Variants in TINAGL1 observed in about 807,000 individuals in gnomAD.
The protein encoded by TINAGL1 is tubulointerstitial nephritis antigen-like.
TINAGL1 carries 34 observed loss-of-function variants against 62.0 expected under a neutral mutation model. That is an observed-to-expected ratio of 0.55 (90% CI 0.42 to 0.73). TINAGL1 has a LOEUF of 0.73. TINAGL1 is among the 30% of genes least tolerant of loss of function. The pLI is 0.00. For synonymous variants in TINAGL1, 221 were observed against 249.7 expected, an observed-to-expected ratio of 0.88 and a Z score of 1.08; for missense variants, 516 against 653.2, an observed-to-expected ratio of 0.79 and a Z score of 2.29.
chr1:31,583,057 A>T lies in TINAGL1; in HGVS notation c.375-92A>T. The T allele has an allele frequency of 2.7e-6, 3 of 1,103,218 alleles. No individual in the cohort carries two copies. In the South Asian group the frequency reaches 3.8e-5, roughly 14 times the overall value. The allele number at this position is 1,103,218 out of a possible 1,614,324, so 68.3% of individuals were successfully genotyped here. ...GATTCTCCCACAGTCACTTGCACAG[A>T]CTCCCTGGCCCATGTTAACCTCCGA... On this transcript the variant is annotated intron_variant, in intron 3 of 11. Coordinates refer to ENST00000271064, the MANE Select transcript of TINAGL1 (RefSeq NM_022164.3). This position sits in a 1 kb window ranked among gnomAD's most constrained non-coding sequence, Gnocchi z 4.4.
In TINAGL1 at chr1:31,585,091, T is replaced by A; in HGVS notation, c.857+55T>A. 6.4e-7 allele frequency: 1 copy of A among 1,566,264 alleles called. No homozygotes were observed. The highest frequency in any genetic ancestry group is 2.3e-5 in the East Asian group (1 of 44,250). On this transcript the variant is annotated intron_variant, in intron 7 of 11. Transcript: ENST00000271064. The surrounding 1 kb of genome is among the most constrained non-coding windows in gnomAD (Gnocchi z 4.3). ...AAGAGGGCAAGGAGCTCCGTGGGCATGGCCTGGGCCATGATGCACTGAGTC... is the reference window on the plus strand; with the variant it reads ...AAGAGGGCAAGGAGCTCCGTGGGCAAGGCCTGGGCCATGATGCACTGAGTC...
rs1639341214 is a variant in TINAGL1, at chr1:31,584,799, C to A, written c.704C>A (p.Ala235Glu). 1 of 1,614,276 alleles carries A rather than the reference C, an allele frequency of 6.2e-7. No individual in the cohort carries two copies. The highest frequency in any genetic ancestry group is 8.5e-7 in the Non-Finnish European group (1 of 1,180,048). Residue 235 changes from alanine (A) to glutamate (E), a missense_variant and splice_region_variant, in exon 6 of 12, where the codon GCA becomes GAA. Ala to Glu is a moderately radical substitution (Grantham distance 107). Transcript: ENST00000271064. The surrounding 1 kb of genome is among the most constrained non-coding windows in gnomAD (Gnocchi z 4.0). ...NCAGSWAFST[A>E]AVASDRVSIH... is the part of the protein sequence containing the mutation. ...GCAGGCTCCTGGGCCTTCTCCACAG[C>A]AGGTAAGCCAAGGGCAAGGGCTGGC...
chr1:31,583,238 A>G lies in TINAGL1; in HGVS notation c.464A>G (p.Tyr155Cys). 1.9e-6 allele frequency: 3 copies of G among 1,614,124 alleles called. No homozygotes were observed. Among genetic ancestry groups the G allele is most frequent in the Non-Finnish European group, 2.5e-6 (3 of 1,179,958 alleles). ...ATCAAAGCCATCAACCAGGGCAACT[A>G]TGGGTGAGAGGCCCTAGAGGCACCC... Reference protein sequence around the residue: ...DMIKAINQGNYGWQAGNHSAF... With the variant: ...DMIKAINQGNCGWQAGNHSAF... The change falls in exon 4 of 12, where the codon TAT (tyrosine) becomes TGT (cysteine). Residue 155 changes from tyrosine (Y) to cysteine (C), a missense_variant. Transcript: ENST00000271064. This position sits in a 1 kb window ranked among gnomAD's most constrained non-coding sequence, Gnocchi z 4.4.
rs761565290 is a variant in TINAGL1, at chr1:31,585,181, G to A, written c.888G>A (p.Ser296=). ...TGTCTGACCACTGCTACCCCTTCTC[G>A]GGCCGTGAACGAGACGAGGCTGGCC... ...GVVSDHCYPF[S]GRERDEAGPA... is the part of the protein sequence containing the mutation. The change falls in exon 8 of 12, where the codon TCG becomes TCA. Residue 296 remains serine, a synonymous_variant. Transcript: ENST00000271064. The surrounding 1 kb of genome is among the most constrained non-coding windows in gnomAD (Gnocchi z 4.3). 18 of 1,595,172 alleles carry A rather than the reference G, an allele frequency of 1.1e-5. No individual in the cohort carries two copies. Among genetic ancestry groups the A allele is most frequent in the South Asian group, 5.6e-5 (5 of 88,558 alleles).
chr1:31,582,461 T>C (rs1211459497), intron 3 of TINAGL1, among the ~76,000 whole-genome samples: 1 of 152,200 alleles, frequency 6.6e-6, no homozygotes, highest in Non-Finnish European at 1.5e-5. Context: ...GTGCAGGGCC[T>C]TGTTGTCACC....
intron 3 of TINAGL1, chr1:31,580,280 C>T (rs1186564024): frequency 3.3e-6 from 4 of 1,214,946 alleles, no homozygotes; most frequent in Non-Finnish European, 4.2e-6. Flanking sequence ...CTGTCCCTGG[C>T]CCCTTAGGCC....
intron 10 of TINAGL1, 116 bp from the exon 11 acceptor site, chr1:31,586,594 G>C: frequency 8.3e-7 from 1 of 1,198,642 alleles, no homozygotes; most frequent in East Asian, 2.5e-5. Context: ...TGAGCCCTAA[G>C]GGTGTACCCA....
chr1:31,578,261 T>TGTGTGTGTGTGTGA (rs1639057035), intron 2 of TINAGL1: 1 of 630,302 alleles, frequency 1.6e-6, no homozygotes, highest in Admixed American at 6.3e-5. Flanking sequence ...TGTGTGTGTG[T>TGTGTGTGTGTGTGA]GTGTGTGTGT....
chr1:31,583,190 C>A lies in TINAGL1; in HGVS notation c.416C>A (p.Pro139Gln), dbSNP rs752300036. ...ENRQWQCDQE[P>Q]CLVDPDMIKA... is the part of the protein sequence containing the mutation. ...AGGCAGTGGCAGTGTGACCAAGAAC[C>A]ATGCCTGGTGGATCCAGACATGATC... Residue 139 changes from proline (P) to glutamine (Q), a missense_variant, in exon 4 of 12, where the codon CCA becomes CAA. Coordinates refer to ENST00000271064, the MANE Select transcript of TINAGL1 (RefSeq NM_022164.3). The surrounding 1 kb of genome is among the most constrained non-coding windows in gnomAD (Gnocchi z 4.4). The A allele has an allele frequency of 3.1e-6, 5 of 1,614,182 alleles. No homozygotes were observed. Among genetic ancestry groups the A allele is most frequent in the South Asian group, 2.2e-5 (2 of 91,086 alleles).
Position 31,583,228 on chromosome 1 carries a change from C to G in TINAGL1, c.454C>G (p.Gln152Glu), listed in dbSNP as rs1055362857. 1.9e-6 allele frequency: 3 copies of G among 1,614,192 alleles called. No homozygotes were observed. The Admixed American group carries it at 5.0e-5, about 27-fold the overall frequency. The change falls in exon 4 of 12, where the codon CAG (glutamine) becomes GAG (glutamate). Residue 152 changes from glutamine (Q) to glutamate (E), a missense_variant. Coordinates refer to ENST00000271064, the MANE Select transcript of TINAGL1 (RefSeq NM_022164.3). The surrounding 1 kb of genome is among the most constrained non-coding windows in gnomAD (Gnocchi z 4.4). ...VDPDMIKAIN[Q>E]GNYGWQAGNH... The stretch of plus-strand genomic sequence containing the variant: ...TCCAGACATGATCAAAGCCATCAAC[C>G]AGGGCAACTATGGGTGAGAGGCCCT...
Position 31,577,301 on chromosome 1 carries a change from G to A in TINAGL1, c.153G>A (p.Gln51=), listed in dbSNP as rs1277448979. ...CGGGAGGCCGGTACTGCCAGGAGCA[G>A]GACCTGTGCTGCCGCGGCCGTGCCG... ...RDAGGRYCQE[Q]DLCCRGRADD... The change falls in exon 2 of 12, where the codon CAG becomes CAA. Residue 51 remains glutamine (Q), a synonymous_variant. Transcript: ENST00000271064. The surrounding 1 kb of genome is among the most constrained non-coding windows in gnomAD (Gnocchi z 5.4). The A allele has an allele frequency of 1.9e-6, 3 of 1,613,522 alleles. No homozygotes were observed. The highest frequency in any genetic ancestry group is 4.5e-5 in the East Asian group (2 of 44,886).
At chr1:31,586,637 C>T in intron 10 of TINAGL1, 73 bp from the exon 11 acceptor site, 1 of 1,539,294 alleles carries the variant, frequency 6.5e-7, no homozygotes, top group South Asian at 1.2e-5. Flanking sequence ...CTGGATGGGG[C>T]AGGTTTCCGG....
At position 31,583,004 on chromosome 1, in the gene TINAGL1, G is replaced by A. The variant is rs1198948197; in HGVS notation, c.375-145G>A. ...CATGAACTAGACGTTGACATTTAAAGCCACCAGGCTGGATGGGATCACCTA... is the reference window on the plus strand; with the variant it reads ...CATGAACTAGACGTTGACATTTAAAACCACCAGGCTGGATGGGATCACCTA... On this transcript the variant is annotated intron_variant, in intron 3 of 11. Transcript: ENST00000271064. The surrounding 1 kb of genome is among the most constrained non-coding windows in gnomAD (Gnocchi z 4.4). The A allele has an allele frequency of 2.9e-6, 2 of 693,436 alleles. No individual in the cohort carries two copies. The highest frequency in any genetic ancestry group is 5.1e-6 in the Non-Finnish European group (2 of 390,586). 43.0% of individuals were successfully genotyped at this position (693,436 alleles called of 1,614,324 possible).
Position 31,585,587 on chromosome 1 carries a change from G to A in TINAGL1, c.1093+102G>A, listed in dbSNP as rs1639369448. On this transcript the variant is annotated intron_variant, in intron 9 of 11. Transcript: ENST00000271064. The surrounding 1 kb of genome is among the most constrained non-coding windows in gnomAD (Gnocchi z 4.3). ...TGCACAGCATTCAGCAGCATGTCCAGTAGGGCCAGGAGTAGGGGTCCCCCC... is the reference window on the plus strand; with the variant it reads ...TGCACAGCATTCAGCAGCATGTCCAATAGGGCCAGGAGTAGGGGTCCCCCC... 1 of 1,559,890 alleles carries A rather than the reference G, an allele frequency of 6.4e-7. No individual in the cohort carries two copies. The highest frequency in any genetic ancestry group is 8.7e-7 in the Non-Finnish European group (1 of 1,147,924).
Position 31,585,846 on chromosome 1 carries a change from G to T in TINAGL1, c.1187G>T (p.Arg396Leu). The change falls in exon 10 of 12, where the codon CGG becomes CTG. Residue 396 changes from arginine (R) to leucine (L), a missense_variant. Transcript: ENST00000271064. This position sits in a 1 kb window ranked among gnomAD's most constrained non-coding sequence, Gnocchi z 4.3. ...VSLGRPERYR[R>L]HGTHSVKITG... ...CTTGGGAGGCCAGAGAGATACCGCCGGCATGGGACCCACTCAGTCAAGATC... is the reference window on the plus strand; with the variant it reads ...CTTGGGAGGCCAGAGAGATACCGCCTGCATGGGACCCACTCAGTCAAGATC... The T allele has an allele frequency of 6.2e-7, 1 of 1,604,634 alleles. No homozygotes were observed. The highest frequency in any genetic ancestry group is 8.5e-7 in the Non-Finnish European group (1 of 1,175,278).
chr1:31,580,975 T>G (rs535847709), intron 3 of TINAGL1, among the ~76,000 whole-genome samples: 2 of 152,212 alleles, frequency 1.3e-5, no homozygotes, highest in South Asian at 4.1e-4. Flanking sequence ...GGGGTCCCAG[T>G]TTAGAGTAGG....
chr1:31,587,108 T>TC lies in TINAGL1; in HGVS notation c.*132dup. The TC allele has an allele frequency of 7.8e-7, 1 of 1,285,078 alleles. No homozygotes were observed. The highest frequency in any genetic ancestry group is 9.9e-7 in the Non-Finnish European group (1 of 1,013,764). The allele number at this position is 1,285,078 out of a possible 1,614,324, so 79.6% of individuals were successfully genotyped here. ...GCGCAGGCGGGCGCCAGGGCGCTAA[T>TC]CCCGGCGCGGGTTCCGCTGACGCAG... On this transcript the variant is annotated 3_prime_UTR_variant, in exon 12 of 12. Transcript: ENST00000271064.
chr1:31,584,503 G>T lies in TINAGL1; in HGVS notation c.583-175G>T. The stretch of plus-strand genomic sequence containing the variant: ...TGATACCTGGGAGGCACTAAATGGT[G>T]CTTGGTTCTTCAACACAAGTCAAAA... On this transcript the variant is annotated intron_variant, in intron 5 of 11. Coordinates refer to ENST00000271064, the MANE Select transcript of TINAGL1 (RefSeq NM_022164.3). The surrounding 1 kb of genome is among the most constrained non-coding windows in gnomAD (Gnocchi z 4.0). 1 of 972,862 alleles carries T rather than the reference G, an allele frequency of 1.0e-6. No homozygotes were observed. Among genetic ancestry groups the T allele is most frequent in the Non-Finnish European group, 1.5e-6 (1 of 652,048 alleles). The allele number at this position is 972,862 out of a possible 1,614,324, so 60.3% of individuals were successfully genotyped here.
rs2148595751 is a variant in TINAGL1 at position 31,585,629 on chromosome 1, C to T, written c.1094-124C>T. Reference sequence around the variant, plus strand: ...GGTCCCCCCCTCCCACAGGCAGCACCTGGAGGGAGCACTTAGAGCTTTGGT... The same window carrying T: ...GGTCCCCCCCTCCCACAGGCAGCACTTGGAGGGAGCACTTAGAGCTTTGGT... On this transcript the variant is annotated intron_variant, in intron 9 of 11. Coordinates refer to ENST00000271064, the MANE Select transcript of TINAGL1 (RefSeq NM_022164.3). This position sits in a 1 kb window ranked among gnomAD's most constrained non-coding sequence, Gnocchi z 4.3. 1.3e-6 allele frequency: 2 copies of T among 1,536,264 alleles called. No homozygotes were observed. The highest frequency in any genetic ancestry group is 1.3e-5 in the South Asian group (1 of 79,078).
Sources: allele counts gnomAD v4.1 joint callset (sites outside exome capture counted in the v4.1 genomes callset), GRCh38; gene constraint gnomAD v4.1.1; non-coding constraint Gnocchi (gnomAD v3.1); transcripts MANE v1.5; gene names NCBI Gene and HGNC (gene_info 2026-07-23, HGNC 2026-07-21).